Variants in CYP4F2 observed in about 807,000 individuals in gnomAD.
CYP4F2 encodes the protein cytochrome P450 family 4 subfamily F member 2.
A neutral mutation model predicts 58.9 loss-of-function variants in CYP4F2; 58 were observed. The observed-to-expected ratio is 0.98, with a 90% CI of 0.80 to 1.23. The LOEUF (loss-of-function observed/expected upper bound fraction) is 1.23, where lower values mean the gene tolerates loss of function less well. Ranked by LOEUF, CYP4F2 falls within the 50% of genes most tolerant of loss-of-function variation. The pLI, the probability that CYP4F2 is intolerant of heterozygous loss-of-function variation, is 0.00. For synonymous variants in CYP4F2, 287 were observed against 261.1 expected (o/e 1.10, Z -0.95); for missense variants, 616 against 685.6 (o/e 0.90, Z 1.13).
chr19:15,894,156 C>A (rs1187097773), intron 3 of CYP4F2, among the ~76,000 whole-genome samples: 1 of 152,206 alleles, frequency 6.6e-6, no homozygotes, highest in Non-Finnish European at 1.5e-5. Flanking sequence ...GCCTGAGGCT[C>A]TGAACAATAA....
chr19:15,891,239 C>T (rs1215145875), intron 5 of CYP4F2, among the ~76,000 whole-genome samples: 1 of 152,166 alleles, frequency 6.6e-6, no homozygotes, highest in Non-Finnish European at 1.5e-5. Context: ...TAAAGCTCCT[C>T]TTCTGTAATG....
At position 15,895,551 on chromosome 19, in the gene CYP4F2, T is replaced by C. The variant is rs150579280; in HGVS notation, c.298A>G (p.Ser100Gly). Residue 100 changes from serine (S) to glycine (G), a missense_variant, in exon 3 of 13, where the codon AGT (serine) becomes GGT (glycine). Physicochemically the swap from Ser to Gly is moderately conservative, Grantham distance 56 (BLOSUM62 0). Coordinates refer to ENST00000221700, the MANE Select transcript of CYP4F2 (RefSeq NM_001082.5). ...VWMGPISPLL[S>G]LCHPDIIRSV... is the part of the protein sequence containing the mutation. ...CGGATGATGTCGGGGTGGCACAAAC[T>C]GAGGAGGGGGGAGATGGGTCCCATC... is the stretch of plus-strand genomic sequence containing the variant. The C allele has an allele frequency of 1.1e-3, 1,662 of 1,550,508 alleles. 1 individual carries two copies. Among genetic ancestry groups the C allele is most frequent in the Non-Finnish European group, 1.3e-3 (1,550 of 1,157,670 alleles).
intron 5 of CYP4F2, among the ~76,000 whole-genome samples, chr19:15,891,698 C>T (rs958508720): frequency 6.6e-6 from 1 of 152,136 alleles, no homozygotes; most frequent in Non-Finnish European, 1.5e-5. Flanking sequence ...CTCCTTGGAA[C>T]CCTGCCTGCA....
intron 6 of CYP4F2, 87 bp downstream of exon 6, chr19:15,890,225 G>T (rs1450199584): frequency 4.4e-6 from 7 of 1,603,388 alleles, no homozygotes; most frequent in Non-Finnish European, 6.0e-6. Flanking sequence ...AGGAAGGTTT[G>T]TCTGGTTTCC....
rs1447277898 is a variant in CYP4F2 at position 15,878,738 on chromosome 19, T to C, written c.*33A>G. ...TTCACTTTTGATGAATCAGGGGTCA[T>C]TTTAGTGGGGTCAGAGTGGGTCTCT... On this transcript the variant is annotated 3_prime_UTR_variant, in exon 13 of 13. Coordinates refer to ENST00000221700, the MANE Select transcript of CYP4F2 (RefSeq NM_001082.5). 3 of 1,609,062 alleles carry C rather than the reference T, an allele frequency of 1.9e-6. No individual in the cohort carries two copies. Among genetic ancestry groups the C allele is most frequent in the Non-Finnish European group, 2.5e-6 (3 of 1,177,180 alleles).
rs1254843502 is a variant in CYP4F2 at position 15,879,659 on chromosome 19, C to G, written c.1259G>C (p.Cys420Ser). Reference protein sequence around the residue: ...DGRVIPKGIICLISVFGTHHN... With the variant: ...DGRVIPKGIISLISVFGTHHN... ...ATGGGTTCCGAAAACACTGATGAGG[C>G]AGATAATGCCTGTGGGAGAGAAGGG... The change falls in exon 11 of 13, where the codon TGC becomes TCC. Residue 420 changes from cysteine to serine, a missense_variant. Transcript: ENST00000221700. The G allele has an allele frequency of 6.2e-7, 1 of 1,614,208 alleles. No homozygotes were observed. Among genetic ancestry groups the G allele is most frequent in the Non-Finnish European group, 8.5e-7 (1 of 1,180,048 alleles).
At chr19:15,892,882 C>A (rs2089425401) in intron 3 of CYP4F2, among the ~76,000 whole-genome samples, 1 of 152,172 alleles carries the variant, frequency 6.6e-6, no homozygotes, top group Non-Finnish European at 1.5e-5. Flanking sequence ...CCCCTGAGCA[C>A]AGCTCAGCAT....
Position 15,885,914 on chromosome 19 carries a change from C to T in CYP4F2, c.1115+10G>A, listed in dbSNP as rs3093161. 8,321 of 1,612,376 alleles carry T rather than the reference C, an allele frequency of 5.2e-3. 276 individuals carry two copies. In the African/African-American group the frequency reaches 0.077, roughly 15 times the overall value. ...GGTCTCAGGAAGAGGCCACAAGCAC[C>T]TGCACTCACCATTCAATCTCTTTAG... On this transcript the variant is annotated intron_variant, in intron 9 of 12. Transcript: ENST00000221700.
chr19:15,886,234 G>T lies in CYP4F2; in HGVS notation c.985+8C>A, dbSNP rs2089378721. On this transcript the variant is annotated splice_region_variant and intron_variant, in intron 8 of 12. Coordinates refer to ENST00000221700, the MANE Select transcript of CYP4F2 (RefSeq NM_001082.5). ...GTCCCCTCTCTAGCCCCACACTGGG[G>T]CCCTCACCCTCAAACATAAAGGTGT... The T allele has an allele frequency of 1.2e-6, 2 of 1,613,876 alleles. No homozygotes were observed. The highest frequency in any genetic ancestry group is 8.5e-7 in the Non-Finnish European group (1 of 1,180,002).
rs780963140 is a variant in CYP4F2 at position 15,879,650 on chromosome 19, C to T, written c.1268G>A (p.Ser423Asn). The T allele has an allele frequency of 1.4e-5, 22 of 1,614,028 alleles. No individual in the cohort carries two copies. The Admixed American group carries it at 1.5e-4, about 11-fold the overall frequency. Residue 423 changes from serine to asparagine, a missense_variant, in exon 11 of 13, where the codon AGT becomes AAT. Coordinates refer to ENST00000221700, the MANE Select transcript of CYP4F2 (RefSeq NM_001082.5). ...TGGGTTGTGATGGGTTCCGAAAACA[C>T]TGATGAGGCAGATAATGCCTGTGGG... ...VIPKGIICLISVFGTHHNPAV... is the reference protein window; with the variant it reads ...VIPKGIICLINVFGTHHNPAV...
Position 15,884,231 on chromosome 19 carries a change from T to C in CYP4F2, c.1115+1693A>G, listed in dbSNP as rs1481279242. On this transcript the variant is annotated intron_variant, in intron 9 of 12. Coordinates refer to ENST00000221700, the MANE Select transcript of CYP4F2 (RefSeq NM_001082.5). ...ACATGGATGGAACTGGAGGTCACTGTGGTAAGTAAATAAGCCAAAAAGAGA... is the reference window on the plus strand; with the variant it reads ...ACATGGATGGAACTGGAGGTCACTGCGGTAAGTAAATAAGCCAAAAAGAGA... Among the ~76,000 whole-genome samples, 5 of 152,190 alleles carry C rather than the reference T, an allele frequency of 3.3e-5. No homozygotes were observed. In the East Asian group the frequency reaches 7.7e-4, roughly 24 times the overall value.
At chr19:15,883,073 T>C (rs555411338) in intron 9 of CYP4F2, among the ~76,000 whole-genome samples, 2 of 152,276 alleles carry the variant, frequency 1.3e-5, no homozygotes, top group African/African-American at 4.8e-5. Context: ...CAGGCAAAGA[T>C]TTTCTGTGTT....
At chr19:15,881,320 C>A (rs2145000950) in intron 9 of CYP4F2, among the ~76,000 whole-genome samples, 1 of 152,252 alleles carries the variant, frequency 6.6e-6, no homozygotes, top group East Asian at 1.9e-4. Context: ...CATTAAGACA[C>A]ACTGTCGAGT....
Position 15,892,307 on chromosome 19 carries a change from A to C in CYP4F2, c.525+2T>G. Reference sequence around the variant, plus strand: ...GTGGGACCTTGGCTTCAAATAACTCACGTGCATGATGTTCACACTCTCATT... The same window carrying C: ...GTGGGACCTTGGCTTCAAATAACTCCCGTGCATGATGTTCACACTCTCATT... On this transcript the variant is annotated splice_donor_variant, in intron 5 of 12. Coordinates refer to ENST00000221700, the MANE Select transcript of CYP4F2 (RefSeq NM_001082.5). LOFTEE classifies it high-confidence loss of function. The C allele has an allele frequency of 1.2e-6, 2 of 1,614,094 alleles. No individual in the cohort carries two copies. Among genetic ancestry groups the C allele is most frequent in the South Asian group, 2.2e-5 (2 of 91,066 alleles).
At chr19:15,893,312 C>T (rs182161023) in intron 3 of CYP4F2, among the ~76,000 whole-genome samples, 1 of 152,282 alleles carries the variant, frequency 6.6e-6, no homozygotes, top group Non-Finnish European at 1.5e-5. Flanking sequence ...AGACCTCACA[C>T]AACGCCCAGA....
chr19:15,884,827 A>T (rs2089366720), intron 9 of CYP4F2, among the ~76,000 whole-genome samples: 1 of 151,938 alleles, frequency 6.6e-6, no homozygotes, highest in Admixed American at 6.6e-5. Context: ...CTGTGCCTTC[A>T]TTCTACAGCT....
intron 7 of CYP4F2, among the ~76,000 whole-genome samples, chr19:15,887,896 A>T (rs1202973282): frequency 2.0e-5 from 3 of 152,060 alleles, no homozygotes; most frequent in Admixed American, 6.6e-5. Context: ...TTAGAAACAC[A>T]GGCACACAAA....
intron 11 of CYP4F2, 57 bp from the exon 12 acceptor site, chr19:15,879,485 G>A: frequency 6.2e-7 from 1 of 1,610,864 alleles, no homozygotes; most frequent in Non-Finnish European, 8.5e-7. Context: ...GCCAGCCTTG[G>A]AGAGACAGAC....
At position 15,879,531 on chromosome 19, in the gene CYP4F2, A is replaced by T. The variant is rs1187745568; in HGVS notation, c.1314+73T>A. On this transcript the variant is annotated intron_variant, in intron 11 of 12. Transcript: ENST00000221700. ...GTCTTTGAGGGAGGTGATGTTGGAT[A>T]CTCCTGATCAAAACCCTGCCCCCTC... 2.4e-5 allele frequency: 39 copies of T among 1,607,784 alleles called. No homozygotes were observed. In the Middle Eastern group the frequency reaches 5.0e-4, roughly 21 times the overall value.
Sources: allele counts gnomAD v4.1 joint callset (sites outside exome capture counted in the v4.1 genomes callset), GRCh38; gene constraint gnomAD v4.1.1; transcripts MANE v1.5; gene names NCBI Gene and HGNC (gene_info 2026-07-23, HGNC 2026-07-21).